Variants in KCNB2 observed in about 807,000 individuals in gnomAD.
The protein encoded by KCNB2 is delayed rectifier potassium channel protein.
KCNB2 carries 15 observed loss-of-function variants against 61.5 expected under a neutral mutation model. The observed-to-expected ratio is 0.24, with a 90% CI of 0.16 to 0.38. The LOEUF (loss-of-function observed/expected upper bound fraction) is 0.38, where lower values mean the gene tolerates loss of function less well. Ranked by LOEUF, KCNB2 falls within the 10% of genes least tolerant of loss-of-function variation. KCNB2 has a pLI of 1.00. For synonymous variants in KCNB2, 457 were observed against 446.0 expected, an observed-to-expected ratio of 1.02 and a Z score of -0.31; for missense variants, 828 against 1,125.2, an observed-to-expected ratio of 0.74 and a Z score of 3.78.
intron 2 of KCNB2, among the ~76,000 whole-genome samples, chr8:72,850,374 A>G (rs1203997888): frequency 1.3e-5 from 2 of 149,886 alleles, no homozygotes; most frequent in South Asian, 2.1e-4. Flanking sequence ...TGCCTGACAC[A>G]ATGCCTAGCT....
At position 72,710,548 on chromosome 8, in the gene KCNB2, T is replaced by C. The variant is rs1251460052; in HGVS notation, c.579+142235T>C. Among the ~76,000 whole-genome samples, 3 of 151,986 alleles carry C rather than the reference T, an allele frequency of 2.0e-5. No individual in the cohort carries two copies. The East Asian group carries it at 5.8e-4, about 29-fold the overall frequency. On this transcript the variant is annotated intron_variant, in intron 2 of 2. Coordinates refer to ENST00000523207, the MANE Select transcript of KCNB2 (RefSeq NM_004770.3). Reference sequence around the variant, plus strand: ...GAGCAAAAACTAAAGGAAAAGTGGATAGGAAGAGCAAGCAGGCCCATGTAC... The same window carrying C: ...GAGCAAAAACTAAAGGAAAAGTGGACAGGAAGAGCAAGCAGGCCCATGTAC...
rs1466811875 is a variant in KCNB2 at position 72,774,420 on chromosome 8, G to A, written c.580-161515G>A. ...GGCTGGAGTGCAGTGGCGCAATCTC[G>A]GCTCACTGCAAACTCCGCCTCCCAG... On this transcript the variant is annotated intron_variant, in intron 2 of 2. Transcript: ENST00000523207. Among the ~76,000 whole-genome samples the A allele has an allele frequency of 3.3e-5, 5 of 151,994 alleles. 1 individual carries two copies. Among genetic ancestry groups the A allele is most frequent in the South Asian group, 4.2e-4 (2 of 4,808 alleles).
chr8:72,864,602 T>C (rs981176881), intron 2 of KCNB2, among the ~76,000 whole-genome samples: 1 of 152,174 alleles, frequency 6.6e-6, no homozygotes, highest in African/African-American at 2.4e-5. Flanking sequence ...AGGATCAAGA[T>C]AGGTGAGGTT....
rs188963662 is a variant in KCNB2 at position 72,540,064 on chromosome 8, C to A, written c.-94+2179C>A. Among the ~76,000 whole-genome samples the A allele has an allele frequency of 3.2e-3, 487 of 152,256 alleles. 12 individuals are homozygous for A. The highest frequency in any genetic ancestry group is 2.4e-4 in the Non-Finnish European group (16 of 67,996). ...AATGTGCAAGTCTGCAGAGCATCTT[C>A]GTTAAACGTTGAAAAATATTTTTTC... is the stretch of plus-strand genomic sequence containing the variant. On this transcript the variant is annotated intron_variant, in intron 1 of 2. Coordinates refer to ENST00000523207, the MANE Select transcript of KCNB2 (RefSeq NM_004770.3).
At chr8:72,915,782 G>T (rs993839869) in intron 2 of KCNB2, among the ~76,000 whole-genome samples, 3 of 152,274 alleles carry the variant, frequency 2.0e-5, no homozygotes, top group Non-Finnish European at 4.4e-5. Context: ...AGCCAGGAAT[G>T]GTGGTGGGTG....
chr8:72,652,644 C>T (rs186325178), intron 2 of KCNB2, among the ~76,000 whole-genome samples: 14 of 152,200 alleles, frequency 9.2e-5, no homozygotes, highest in African/African-American at 2.9e-4. Context: ...GACATTTCAT[C>T]AGTATGCATT....
At chr8:72,558,890 T>C (rs759077130) in intron 1 of KCNB2, among the ~76,000 whole-genome samples, 2 of 152,170 alleles carry the variant, frequency 1.3e-5, no homozygotes, top group Non-Finnish European at 2.9e-5. Context: ...GACAATAATA[T>C]GTGATCCTTG....
chr8:72,771,303 T>C (rs1808553771), intron 2 of KCNB2, among the ~76,000 whole-genome samples: 1 of 152,240 alleles, frequency 6.6e-6, no homozygotes, highest in African/African-American at 2.4e-5. Context: ...AGTTTTGCTG[T>C]GGCATTTTCT....
At position 72,915,397 on chromosome 8, in the gene KCNB2, G is replaced by A. The variant is rs556466162; in HGVS notation, c.580-20538G>A. On this transcript the variant is annotated intron_variant, in intron 2 of 2. Coordinates refer to ENST00000523207, the MANE Select transcript of KCNB2 (RefSeq NM_004770.3). The stretch of plus-strand genomic sequence containing the variant: ...AGTTAGAAGGCTAATCCTATTGTTT[G>A]GGAATGAGAAGTTAAGCTTCTTAAT... 5.1e-4 allele frequency among the ~76,000 whole-genome samples: 78 copies of A among 152,226 alleles called. No individual in the cohort carries two copies. The South Asian group carries it at 9.5e-3, about 19-fold the overall frequency.
intron 2 of KCNB2, among the ~76,000 whole-genome samples, chr8:72,840,988 T>A (rs1242917328): frequency 6.6e-6 from 1 of 152,230 alleles, no homozygotes; most frequent in Non-Finnish European, 1.5e-5. Flanking sequence ...CATGCCTATG[T>A]CCTGAATGGT....
intron 2 of KCNB2, among the ~76,000 whole-genome samples, chr8:72,761,046 A>C (rs1192423960): frequency 6.6e-6 from 1 of 152,164 alleles, no homozygotes; most frequent in Non-Finnish European, 1.5e-5. Context: ...GTACAACCTC[A>C]GATTCTCAAA....
intron 2 of KCNB2, among the ~76,000 whole-genome samples, chr8:72,846,049 T>C (rs1261036961): frequency 1.3e-5 from 2 of 151,684 alleles, no homozygotes; most frequent in African/African-American, 2.4e-5. Flanking sequence ...CCCAGTTTTG[T>C]GCTTGAAACC....
At chr8:72,804,900 C>T (rs978853965) in intron 2 of KCNB2, among the ~76,000 whole-genome samples, 4 of 152,144 alleles carry the variant, frequency 2.6e-5, no homozygotes, top group Admixed American at 1.3e-4. Flanking sequence ...AAATCCTGGA[C>T]CCCACAGGTT....
At chr8:72,602,328 G>A (rs1268050182) in intron 2 of KCNB2, among the ~76,000 whole-genome samples, 2 of 152,106 alleles carry the variant, frequency 1.3e-5, no homozygotes, top group Non-Finnish European at 2.9e-5. Context: ...TTTCAGGGTT[G>A]CATGATAAAA....
chr8:72,928,681 GACACACACACAC>G (rs10606839), intron 2 of KCNB2, among the ~76,000 whole-genome samples: 74 of 143,728 alleles, frequency 5.1e-4, no homozygotes, highest in African/African-American at 1.5e-3. Context: ...CACACACACA[GACACACACACAC>G]ACACACACAC....
chr8:72,910,883 C>T (rs547157417), intron 2 of KCNB2, among the ~76,000 whole-genome samples: 4 of 152,262 alleles, frequency 2.6e-5, no homozygotes, highest in African/African-American at 7.2e-5. Context: ...TGAAGTATAA[C>T]AAAAAGACCT....
chr8:72,614,415 C>T (rs939244872), intron 2 of KCNB2, among the ~76,000 whole-genome samples: 5 of 152,126 alleles, frequency 3.3e-5, no homozygotes, highest in African/African-American at 4.8e-5. Flanking sequence ...TCTAATAGCC[C>T]TGTAAAGGTA....
chr8:72,846,202 G>T (rs1164269791), intron 2 of KCNB2, among the ~76,000 whole-genome samples: 1 of 152,122 alleles, frequency 6.6e-6, no homozygotes, highest in Non-Finnish European at 1.5e-5. Flanking sequence ...AGGAGAAGGA[G>T]TTCCTCCACC....
chr8:72,726,365 C>G (rs1807649391), intron 2 of KCNB2, among the ~76,000 whole-genome samples: 1 of 152,186 alleles, frequency 6.6e-6, no homozygotes, highest in South Asian at 2.1e-4. Context: ...AAGCCACACA[C>G]TCTATGGCAT....
Sources: allele counts gnomAD v4.1 joint callset (sites outside exome capture counted in the v4.1 genomes callset), GRCh38; gene constraint gnomAD v4.1.1; transcripts MANE v1.5; gene names NCBI Gene and HGNC (gene_info 2026-07-23, HGNC 2026-07-21).